The following CFAP299 variants were observed in gnomAD, a reference collection of about 807,000 sequenced individuals.
The protein encoded by CFAP299 is cilia and flagella associated protein 299.
Under a neutral mutation model 27.0 loss-of-function variants are expected in CFAP299, and 21 were observed. That is an observed-to-expected ratio of 0.78 (90% confidence interval 0.55 to 1.12). The LOEUF is 1.12. CFAP299 is among the 50% of genes most tolerant of loss of function. CFAP299 has a pLI of 0.00. For missense variants in CFAP299, 310 were observed against 276.6 expected, an observed-to-expected ratio of 1.12 and a Z score of -0.86; for synonymous variants, 104 against 98.1, an observed-to-expected ratio of 1.06 and a Z score of -0.36.
At chr4:80,929,468 T>C (rs898192826) in intron 4 of CFAP299, among the ~76,000 whole-genome samples, 1 of 152,084 alleles carries the variant, frequency 6.6e-6, no homozygotes, top group African/African-American at 2.4e-5. Context: ...TCACTATCTA[T>C]CCAGTCTCTA....
rs571072612 is a variant in CFAP299, at chr4:80,921,083, G to A, written c.477-23727G>A. The stretch of plus-strand genomic sequence containing the variant: ...TTGCCAAAGCCAAGCACCAAGCCCA[G>A]TTCTCATATTCTTAATCCCCAATAG... On this transcript the variant is annotated intron_variant, in intron 4 of 5. Transcript: ENST00000358105. 2.8e-4 allele frequency among the ~76,000 whole-genome samples: 43 copies of A among 152,068 alleles called. No individual in the cohort carries two copies. In the South Asian group the frequency reaches 7.0e-3, roughly 25 times the overall value.
intron 2 of CFAP299, among the ~76,000 whole-genome samples, chr4:80,442,609 C>T (rs555475206): frequency 1.3e-4 from 19 of 151,468 alleles, no homozygotes; most frequent in East Asian, 3.9e-4. Context: ...AAATTGACAC[C>T]GTAACATCAC....
intron 4 of CFAP299, among the ~76,000 whole-genome samples, chr4:80,917,751 CAA>C (rs916599439): frequency 6.6e-6 from 1 of 152,088 alleles, no homozygotes; most frequent in Non-Finnish European, 1.5e-5. Context: ...AAAAACACAA[CAA>C]ATTATTTTTT....
chr4:80,407,879 C>A (rs1726513827), intron 2 of CFAP299, among the ~76,000 whole-genome samples: 2 of 152,108 alleles, frequency 1.3e-5, no homozygotes, highest in African/African-American at 2.4e-5. Flanking sequence ...GTTGTTTTGA[C>A]TTTACAAAGA....
At chr4:80,908,972 G>A (rs1342350226) in intron 4 of CFAP299, among the ~76,000 whole-genome samples, 1 of 152,066 alleles carries the variant, frequency 6.6e-6, no homozygotes, top group East Asian at 1.9e-4. Flanking sequence ...CAGATAATGA[G>A]AGACACGTTT....
At chr4:80,804,444 G>A (rs1728763556) in intron 3 of CFAP299, among the ~76,000 whole-genome samples, 1 of 152,056 alleles carries the variant, frequency 6.6e-6, no homozygotes, top group African/African-American at 2.4e-5. Flanking sequence ...GTTGTAACAT[G>A]TGTCAGAATT....
chr4:80,387,929 G>T, intron 2 of CFAP299: 1 of 839,674 alleles, frequency 1.2e-6, no homozygotes. Context: ...GGGCAGCAGG[G>T]TTTGGTCCTT....
At chr4:80,635,222 A>T (rs545940081) in intron 3 of CFAP299, among the ~76,000 whole-genome samples, 1 of 152,146 alleles carries the variant, frequency 6.6e-6, no homozygotes, top group Non-Finnish European at 1.5e-5. Context: ...ATATAATTCC[A>T]GCTTATCTGG....
intron 3 of CFAP299, among the ~76,000 whole-genome samples, chr4:80,703,703 G>A (rs1167691527): frequency 6.6e-6 from 1 of 151,332 alleles, no homozygotes; most frequent in Non-Finnish European, 1.5e-5. Flanking sequence ...TACTTTTCCA[G>A]CCCTTTCTCC....
intron 3 of CFAP299, among the ~76,000 whole-genome samples, chr4:80,609,956 A>T: frequency 6.6e-6 from 1 of 152,104 alleles, no homozygotes; most frequent in Non-Finnish European, 1.5e-5. Flanking sequence ...GCACTTTAAT[A>T]GGCCTATCCT....
At chr4:80,325,054 C>G in the CFAP299 span, among the ~76,000 whole-genome samples, 3 of 152,294 alleles carry the variant, frequency 2.0e-5, no homozygotes, top group Admixed American at 1.3e-4. Context: ...ACCTGGGAGG[C>G]GGAGGTTGCA....
intron 3 of CFAP299, among the ~76,000 whole-genome samples, chr4:80,614,298 C>CTGAAAGTG (rs1577934140): frequency 6.6e-6 from 1 of 152,228 alleles, no homozygotes; most frequent in East Asian, 1.9e-4. Flanking sequence ...AAATATGTTC[C>CTGAAAGTG]TGAAAGTGTC....
At chr4:80,596,752 CA>C (rs1164377008) in intron 3 of CFAP299, among the ~76,000 whole-genome samples, 1 of 152,074 alleles carries the variant, frequency 6.6e-6, no homozygotes, top group African/African-American at 2.4e-5. Context: ...CATTTAGTCA[CA>C]ACTCTCCTAT....
chr4:80,749,672 T>C (rs1368523587), intron 3 of CFAP299, among the ~76,000 whole-genome samples: 1 of 152,072 alleles, frequency 6.6e-6, no homozygotes, highest in Admixed American at 6.6e-5. Flanking sequence ...GAACTTAGAG[T>C]CTGACGTTTG....
rs1738030842 is a variant in CFAP299 at position 80,955,697 on chromosome 4, G to C, written c.607-7820G>C. On this transcript the variant is annotated intron_variant, in intron 5 of 5. Coordinates refer to ENST00000358105, the MANE Select transcript of CFAP299 (RefSeq NM_152770.3). Reference sequence around the variant, plus strand: ...CAAGATACACTATTAAGTGAAAAAAGCAAATTGAAAATAATGTAGCTAGGC... The same window carrying C: ...CAAGATACACTATTAAGTGAAAAAACCAAATTGAAAATAATGTAGCTAGGC... Among the ~76,000 whole-genome samples, 5 of 152,132 alleles carry C rather than the reference G, an allele frequency of 3.3e-5. 1 individual carries two copies. The South Asian group carries it at 1.0e-3, about 32-fold the overall frequency.
At chr4:80,331,006 CA>C, upstream of CFAP299, among the ~76,000 whole-genome samples, 1 of 152,196 alleles carries the variant, frequency 6.6e-6, no homozygotes, top group South Asian at 2.1e-4. Context: ...TTATAATAAT[CA>C]AGATATTGCA....
chr4:80,790,540 C>T (rs7663726), intron 3 of CFAP299: 11,734 of 151,826 alleles, frequency 0.077, 531 homozygotes, highest in African/African-American at 0.1. Flanking sequence ...GAGATTAGTG[C>T]CTTTATAAGA....
At chr4:80,799,449 A>G (rs1311659691) in intron 3 of CFAP299, among the ~76,000 whole-genome samples, 2 of 91,206 alleles carry the variant, frequency 2.2e-5, no homozygotes, top group African/African-American at 9.2e-5. Context: ...TATTTATAAA[A>G]TATATATAAT....
intron 3 of CFAP299, among the ~76,000 whole-genome samples, chr4:80,861,796 C>G (rs1004985233): frequency 2.1e-4 from 32 of 152,062 alleles, no homozygotes; most frequent in Admixed American, 2.0e-3. Context: ...TGCACAATAG[C>G]TAATGGGTTA....
Sources: gnomAD v4.1 joint callset for allele counts (sites outside exome capture counted in the v4.1 genomes callset) on GRCh38, gnomAD v4.1.1 for gene constraint, MANE v1.5 for transcripts, NCBI Gene and HGNC (gene_info 2026-07-23, HGNC 2026-07-21) for gene names.